Variants in CEP70 observed in about 807,000 individuals in gnomAD.
The protein encoded by CEP70 is centrosomal protein of 70 kDa.
A neutral mutation model predicts 90.9 loss-of-function variants in CEP70; 70 were observed. That is an observed-to-expected ratio of 0.77 (90% CI 0.64 to 0.94). The LOEUF (loss-of-function observed/expected upper bound fraction) is 0.94. Among genes scored for constraint, CEP70 ranks in the 40% least tolerant of loss-of-function variants. CEP70 has a pLI of 0.00. For missense variants in CEP70, 648 were observed against 669.0 expected (o/e 0.97, Z 0.35); for synonymous variants, 220 against 228.3 (o/e 0.96, Z 0.33).
intron 2 of CEP70, among the ~76,000 whole-genome samples, chr3:138,585,071 G>GA (rs2042046087): frequency 6.6e-6 from 1 of 151,924 alleles, no homozygotes; most frequent in Non-Finnish European, 1.5e-5. Context: ...CATGAGAAAG[G>GA]AAAAAAAGGC....
At chr3:138,510,118 T>C (rs2035382347) in intron 11 of CEP70, among the ~76,000 whole-genome samples, 1 of 152,036 alleles carries the variant, frequency 6.6e-6, no homozygotes, top group African/African-American at 2.4e-5. Flanking sequence ...TGGGCTAGTT[T>C]TGCTGTTGGA....
intron 11 of CEP70, among the ~76,000 whole-genome samples, chr3:138,521,491 C>T (rs1361434948): frequency 6.6e-6 from 1 of 151,460 alleles, no homozygotes. Flanking sequence ...GCGTCTCTGC[C>T]TGGCTGCCCA....
In CEP70 at chr3:138,495,064, A is replaced by C; in HGVS notation, c.1745T>G (p.Leu582Trp). The stretch of plus-strand genomic sequence containing the variant: ...CTTTACTGCAGGTACAATGGCATCC[A>C]AGTCATCAATTTCTGTAATACAAAA... ...DLLEILEIDD[L>W]DAIVPAVKKL... Residue 582 changes from leucine to tryptophan, a missense_variant, in exon 18 of 18, where the codon TTG becomes TGG. Transcript: ENST00000264982. 6.4e-7 allele frequency: 1 copy of C among 1,554,280 alleles called. No individual in the cohort carries two copies.
At chr3:138,542,311 C>T (rs1282797644) in intron 6 of CEP70, among the ~76,000 whole-genome samples, 3 of 152,140 alleles carry the variant, frequency 2.0e-5, no homozygotes, top group Non-Finnish European at 4.4e-5. Context: ...TGCAGGGGCG[C>T]CTGAAAGCTC....
At chr3:138,579,152 G>A (rs998280469) in intron 2 of CEP70, among the ~76,000 whole-genome samples, 2 of 152,202 alleles carry the variant, frequency 1.3e-5, no homozygotes, top group South Asian at 2.1e-4. Flanking sequence ...CAACCCACTG[G>A]AGGGATCATT....
intron 13 of CEP70, among the ~76,000 whole-genome samples, chr3:138,502,099 T>C (rs1216533061): frequency 2.0e-5 from 3 of 152,228 alleles, no homozygotes; most frequent in Non-Finnish European, 4.4e-5. Context: ...GGCCATAGTA[T>C]GGAAAGTGAA....
At chr3:138,560,333 G>T (rs976042324) in intron 6 of CEP70, among the ~76,000 whole-genome samples, 1 of 152,186 alleles carries the variant, frequency 6.6e-6, no homozygotes, top group Non-Finnish European at 1.5e-5. Flanking sequence ...CTCTAGCCCA[G>T]ATACTGCGCT....
intron 2 of CEP70, among the ~76,000 whole-genome samples, chr3:138,584,240 C>T (rs1327783554): frequency 1.3e-5 from 2 of 151,870 alleles, no homozygotes; most frequent in African/African-American, 4.8e-5. Flanking sequence ...AAAACCTGAA[C>T]AGACCAATAA....
chr3:138,580,109 G>A (rs2041773645), intron 2 of CEP70, among the ~76,000 whole-genome samples: 1 of 152,054 alleles, frequency 6.6e-6, no homozygotes, highest in Admixed American at 6.5e-5. Context: ...GTAGACAAGT[G>A]GAGCCTTCTC....
intron 11 of CEP70, among the ~76,000 whole-genome samples, chr3:138,513,515 G>A (rs1001748092): frequency 6.6e-6 from 1 of 151,074 alleles, no homozygotes; most frequent in South Asian, 2.1e-4. Context: ...CTCCTAGGCA[G>A]TGAGATGATT....
At chr3:138,517,933 T>G (rs1560310556) in intron 11 of CEP70, among the ~76,000 whole-genome samples, 2 of 152,124 alleles carry the variant, frequency 1.3e-5, no homozygotes, top group Non-Finnish European at 2.9e-5. Context: ...CCTTTCCTAG[T>G]CAAAGAAAGG....
At chr3:138,521,641 T>C (rs1317128263) in intron 11 of CEP70, among the ~76,000 whole-genome samples, 2 of 149,368 alleles carry the variant, frequency 1.3e-5, no homozygotes, top group East Asian at 2.0e-4. Flanking sequence ...GGAGTGCCTC[T>C]GCCCGGCCGC....
chr3:138,559,234 G>A (rs2040225267), intron 6 of CEP70, among the ~76,000 whole-genome samples: 1 of 152,078 alleles, frequency 6.6e-6, no homozygotes, highest in Non-Finnish European at 1.5e-5. Flanking sequence ...AAGACATAGG[G>A]TAGTCAATGA....
At position 138,573,205 on chromosome 3, in the gene CEP70, C is replaced by T. The variant is rs149137694; in HGVS notation, c.-5-273G>A. Among the ~76,000 whole-genome samples, 723 of 152,140 alleles carry T rather than the reference C, an allele frequency of 4.8e-3. 4 individuals carry two copies. Among genetic ancestry groups the T allele is most frequent in the African/African-American group, 0.017 (696 of 41,510 alleles). On this transcript the variant is annotated intron_variant, in intron 2 of 17. Transcript: ENST00000264982. Reference sequence around the variant, plus strand: ...TACACATATACCACACACACACATACACTCTGTCCTGTCTAACCCCCCACC... The same window carrying T: ...TACACATATACCACACACACACATATACTCTGTCCTGTCTAACCCCCCACC...
intron 10 of CEP70, among the ~76,000 whole-genome samples, chr3:138,526,352 C>T (rs1241935822): frequency 7.5e-6 from 1 of 133,140 alleles, no homozygotes; most frequent in Non-Finnish European, 1.6e-5. Flanking sequence ...TTGGTAAAGA[C>T]AGGGTTTCAC....
rs182948413 is a variant in CEP70 at position 138,498,406 on chromosome 3, C to T, written c.1653-296G>A. Among the ~76,000 whole-genome samples the T allele has an allele frequency of 2.7e-5, 4 of 149,002 alleles. No homozygotes were observed. The East Asian group carries it at 6.0e-4, about 22-fold the overall frequency. ...AGACTGGAGTGCAGTGGCGCTGTCT[C>T]GGCTCACTGCAAGCTCCGCCTCCCG... On this transcript the variant is annotated intron_variant, in intron 16 of 17. Coordinates refer to ENST00000264982, the MANE Select transcript of CEP70 (RefSeq NM_024491.4).
At chr3:138,593,743 G>A (rs2042507897) in intron 1 of CEP70, 1 of 152,122 alleles carries the variant, frequency 6.6e-6, no homozygotes, top group African/African-American at 2.4e-5. Context: ...CTTCTGCTCC[G>A]AGTCCTCACT....
chr3:138,570,214 A>G, intron 6 of CEP70, 104 bp downstream of exon 6: 1 of 704,568 alleles, frequency 1.4e-6, no homozygotes, highest in Non-Finnish European at 2.3e-6. Context: ...GATAAGCCAA[A>G]AAAGGTAAAA....
At chr3:138,521,482 C>T (rs990567158) in intron 11 of CEP70, among the ~76,000 whole-genome samples, 3 of 151,198 alleles carry the variant, frequency 2.0e-5, no homozygotes, top group South Asian at 2.1e-4. Context: ...AAGTGAGGAG[C>T]GTCTCTGCCT....
Sources: gnomAD v4.1 joint callset for allele counts (sites outside exome capture counted in the v4.1 genomes callset) on GRCh38, gnomAD v4.1.1 for gene constraint, MANE v1.5 for transcripts, NCBI Gene and HGNC (gene_info 2026-07-23, HGNC 2026-07-21) for gene names.